Variants in CEP83 observed in about 807,000 individuals in gnomAD.
CEP83 encodes centrosomal protein 83, also known as centrosomal protein of 83 kDa.
A neutral mutation model predicts 101.9 loss-of-function variants in CEP83; 70 were observed. The observed-to-expected ratio is 0.69, with a 90% CI of 0.57 to 0.84. CEP83 has a LOEUF of 0.84. Ranked by LOEUF, CEP83 falls within the 40% of genes least tolerant of loss-of-function variation. The pLI is 0.00. For missense variants in CEP83, 715 were observed against 787.2 expected (o/e 0.91, Z 1.10); for synonymous variants, 264 against 267.9 (o/e 0.99, Z 0.14).
intron 14 of CEP83, among the ~76,000 whole-genome samples, chr12:94,323,603 CCTT>C (rs1480901699): frequency 2.6e-5 from 4 of 152,144 alleles, no homozygotes; most frequent in African/African-American, 7.2e-5. Flanking sequence ...TTTACTTACT[CCTT>C]CTATTTCTCT....
chr12:94,454,035 T>C (rs570886501), intron 1 of CEP83, among the ~76,000 whole-genome samples: 1 of 151,072 alleles, frequency 6.6e-6, no homozygotes, highest in Non-Finnish European at 1.5e-5. Context: ...AGGCAGAGGT[T>C]GCAGTGAGCT....
intron 11 of CEP83, among the ~76,000 whole-genome samples, chr12:94,358,179 T>C (rs1005356504): frequency 6.6e-6 from 1 of 152,218 alleles, no homozygotes; most frequent in Non-Finnish European, 1.5e-5. Context: ...AGGGGCCCGA[T>C]GGACAACCTG....
At chr12:94,317,103 T>C (rs185593553) in intron 14 of CEP83, among the ~76,000 whole-genome samples, 1 of 152,338 alleles carries the variant, frequency 6.6e-6, no homozygotes, top group East Asian at 1.9e-4. Context: ...TTTTATTTTT[T>C]AATAGCCATT....
intron 1 of CEP83, among the ~76,000 whole-genome samples, chr12:94,436,160 T>C (rs759457473): frequency 1.3e-5 from 2 of 151,990 alleles, no homozygotes; most frequent in African/African-American, 2.4e-5. Context: ...TCTGGTAATA[T>C]GGCAAAACGA....
Position 94,319,204 on chromosome 12 carries a change from T to G in CEP83, c.1708-6187A>C, listed in dbSNP as rs142527316. Among the ~76,000 whole-genome samples, 128 of 152,294 alleles carry G rather than the reference T, an allele frequency of 8.4e-4. 1 individual carries two copies. The East Asian group carries it at 0.022, about 26-fold the overall frequency. On this transcript the variant is annotated intron_variant, in intron 14 of 16. Coordinates refer to ENST00000397809, the MANE Select transcript of CEP83 (RefSeq NM_016122.3). ...TGTTAGTTTGTATGCAGAAAGGTGT[T>G]TATAGTTGTCTGTGACGGTTGTTTG...
chr12:94,335,524 T>C, intron 12 of CEP83, 65 bp downstream of exon 12: 1 of 1,104,778 alleles, frequency 9.1e-7, no homozygotes, highest in East Asian at 2.6e-5. Flanking sequence ...TTTTTAAAAT[T>C]TGCAAAACAT....
chr12:94,401,625 C>T (rs1229022290), intron 5 of CEP83, among the ~76,000 whole-genome samples: 2 of 152,132 alleles, frequency 1.3e-5, no homozygotes, highest in African/African-American at 4.8e-5. Flanking sequence ...GAGACACTAA[C>T]AGGAAATTCG....
chr12:94,289,602 C>T, the CEP83 span, among the ~76,000 whole-genome samples: 1 of 152,180 alleles, frequency 6.6e-6, no homozygotes, highest in Non-Finnish European at 1.5e-5. Flanking sequence ...GCATTTGGAG[C>T]TCCTCAGATG....
chr12:94,360,516 T>C (rs1358688121), intron 11 of CEP83, among the ~76,000 whole-genome samples: 1 of 151,758 alleles, frequency 6.6e-6, no homozygotes, highest in Non-Finnish European at 1.5e-5. Flanking sequence ...ATTATAATTA[T>C]AAAAATTAAA....
intron 2 of CEP83, among the ~76,000 whole-genome samples, chr12:94,414,374 T>C (rs2064118425): frequency 6.6e-6 from 1 of 152,186 alleles, no homozygotes; most frequent in African/African-American, 2.4e-5. Flanking sequence ...AACTTCACTG[T>C]TGTCTCATTT....
intron 6 of CEP83, among the ~76,000 whole-genome samples, chr12:94,388,269 C>T (rs561245248): frequency 6.6e-6 from 1 of 152,320 alleles, no homozygotes; most frequent in East Asian, 1.9e-4. Context: ...GAAATCTTGT[C>T]CTTTGCAGCA....
intron 2 of CEP83, among the ~76,000 whole-genome samples, chr12:94,416,926 G>A (rs978122686): frequency 3.3e-5 from 5 of 152,048 alleles, no homozygotes; most frequent in Non-Finnish European, 7.4e-5. Flanking sequence ...AAGATCACAT[G>A]GGGAGCCAGA....
chr12:94,292,546 C>T, the CEP83 span, among the ~76,000 whole-genome samples: 2 of 152,120 alleles, frequency 1.3e-5, no homozygotes, highest in African/African-American at 4.8e-5. Context: ...TATCCCTTAT[C>T]CAAAATGCTT....
At chr12:94,276,892 G>A in the CEP83 span, 1 of 152,194 alleles carries the variant, frequency 6.6e-6, no homozygotes. Context: ...TCTGTTGTAG[G>A]AGGGAAACTC....
chr12:94,349,566 A>C (rs2060108103), intron 11 of CEP83, among the ~76,000 whole-genome samples: 1 of 152,232 alleles, frequency 6.6e-6, no homozygotes, highest in South Asian at 2.1e-4. Context: ...GACAAAATTC[A>C]ACACCCTTTC....
intron 1 of CEP83, among the ~76,000 whole-genome samples, chr12:94,445,316 C>T (rs1000966902): frequency 2.0e-5 from 3 of 152,020 alleles, no homozygotes; most frequent in African/African-American, 4.8e-5. Flanking sequence ...TTGCTCCCCA[C>T]GCCATATACA....
intron 11 of CEP83, among the ~76,000 whole-genome samples, chr12:94,352,264 C>CA (rs1354796840): frequency 6.6e-6 from 1 of 151,720 alleles, no homozygotes; most frequent in East Asian, 1.9e-4. Context: ...ACTAAAAATA[C>CA]AAAAAATTAC....
intron 1 of CEP83, among the ~76,000 whole-genome samples, chr12:94,444,035 T>G (rs192168170): frequency 2.8e-4 from 42 of 152,256 alleles, no homozygotes; most frequent in African/African-American, 1.0e-3. Flanking sequence ...AGAGAAACCT[T>G]GGGGAAGGAT....
the CEP83 span, among the ~76,000 whole-genome samples, chr12:94,291,321 G>A: frequency 6.6e-6 from 1 of 152,152 alleles, no homozygotes; most frequent in Non-Finnish European, 1.5e-5. Flanking sequence ...CTGCACCCTT[G>A]ACCTCCCACG....
Sources: gnomAD v4.1 joint callset for allele counts (sites outside exome capture counted in the v4.1 genomes callset) on GRCh38, gnomAD v4.1.1 for gene constraint, MANE v1.5 for transcripts, NCBI Gene and HGNC (gene_info 2026-07-23, HGNC 2026-07-21) for gene names.